The following DNAH9 variants were observed in gnomAD, a reference collection of about 807,000 sequenced individuals.
DNAH9 encodes the protein DNAH9 variant protein.
A neutral mutation model predicts 471.6 loss-of-function variants in DNAH9; 345 were observed. The ratio of observed to expected loss-of-function variants is 0.73; its 90% confidence interval spans 0.67 to 0.80. The LOEUF (loss-of-function observed/expected upper bound fraction) is 0.80. DNAH9 is among the 30% of genes least tolerant of loss of function. The pLI is 0.00. For synonymous variants in DNAH9, 2,093 were observed against 2,123.6 expected (o/e 0.99, Z 0.40); for missense variants, 5,407 against 5,609.2 (o/e 0.96, Z 1.15).
chr17:11,655,737 A>G (rs2073629225), intron 14 of DNAH9, among the ~76,000 whole-genome samples: 1 of 152,030 alleles, frequency 6.6e-6, no homozygotes, highest in Non-Finnish European at 1.5e-5. Flanking sequence ...ATTGGAGACC[A>G]TTATTCTAAG....
chr17:11,786,436 A>C (rs1429906853), intron 41 of DNAH9, among the ~76,000 whole-genome samples: 2 of 152,172 alleles, frequency 1.3e-5, no homozygotes, highest in Non-Finnish European at 2.9e-5. Flanking sequence ...TGGAAAGGTA[A>C]CTTGAGACCA....
chr17:11,869,054 C>A, intron 50 of DNAH9, 80 bp from the exon 51 acceptor site: 29 of 1,535,256 alleles, frequency 1.9e-5, no homozygotes, highest in Non-Finnish European at 2.5e-5. Flanking sequence ...GAACCACCTC[C>A]ATGTGAACCC....
chr17:11,642,928 T>C (rs1442495675), intron 10 of DNAH9, among the ~76,000 whole-genome samples: 1 of 152,228 alleles, frequency 6.6e-6, no homozygotes, highest in African/African-American at 2.4e-5. Context: ...GCAAATTCAT[T>C]GCTTTCTCTG....
intron 35 of DNAH9, among the ~76,000 whole-genome samples, chr17:11,761,011 A>T (rs916347055): frequency 6.6e-5 from 10 of 152,196 alleles, no homozygotes; most frequent in African/African-American, 2.2e-4. Context: ...ACAGATAATA[A>T]TTTTTTATTG....
In DNAH9 at chr17:11,834,904, A is replaced by G. The variant is rs1370744173; in HGVS notation, c.9507+6A>G. The G allele has an allele frequency of 6.2e-7, 1 of 1,611,266 alleles. No individual in the cohort carries two copies. Among genetic ancestry groups the G allele is most frequent in the Non-Finnish European group, 8.5e-7 (1 of 1,179,230 alleles). ...CTCTCAACACCCTGAACAAGGTAGG[A>G]GGACTGTCTGCCATACCTGCTCATC... is the stretch of plus-strand genomic sequence containing the variant. On this transcript the variant is annotated splice_donor_region_variant and intron_variant, in intron 49 of 68. Coordinates refer to ENST00000262442, the MANE Select transcript of DNAH9 (RefSeq NM_001372.4).
intron 35 of DNAH9, among the ~76,000 whole-genome samples, chr17:11,761,183 G>A (rs1305526508): frequency 8.1e-5 from 4 of 49,082 alleles, no homozygotes; most frequent in East Asian, 8.3e-4. Context: ...ATCACTTCTA[G>A]TCACACAGTC....
intron 27 of DNAH9, among the ~76,000 whole-genome samples, chr17:11,723,948 C>T (rs2075108096): frequency 6.6e-6 from 1 of 152,190 alleles, no homozygotes; most frequent in Non-Finnish European, 1.5e-5. Flanking sequence ...GCTGGGATTA[C>T]AGGCGTGAGC....
At chr17:11,687,770 A>G (rs1161039477) in intron 19 of DNAH9, among the ~76,000 whole-genome samples, 1 of 152,070 alleles carries the variant, frequency 6.6e-6, no homozygotes, top group Non-Finnish European at 1.5e-5. Flanking sequence ...GAGTGAGTAT[A>G]ATAAAGTGGG....
intron 66 of DNAH9, among the ~76,000 whole-genome samples, chr17:11,938,627 C>T (rs1974792401): frequency 2.0e-5 from 3 of 151,918 alleles, no homozygotes; most frequent in East Asian, 3.9e-4. Flanking sequence ...AGTAAGATTT[C>T]ACTCCATCAC....
chr17:11,958,261 G>C (rs1975770068), intron 67 of DNAH9, among the ~76,000 whole-genome samples: 1 of 152,176 alleles, frequency 6.6e-6, no homozygotes, highest in Non-Finnish European at 1.5e-5. Flanking sequence ...TTAAGAGTGA[G>C]GATGGCATGA....
At chr17:11,618,646 C>T (rs2072794655) in intron 5 of DNAH9, among the ~76,000 whole-genome samples, 3 of 151,248 alleles carry the variant, frequency 2.0e-5, no homozygotes, top group Admixed American at 2.0e-4. Context: ...AAACCAGTTT[C>T]CTTTTCTTCT....
chr17:11,944,292 C>T (rs2151434928), intron 67 of DNAH9, among the ~76,000 whole-genome samples: 1 of 152,156 alleles, frequency 6.6e-6, no homozygotes, highest in South Asian at 2.1e-4. Context: ...TGATATAAAG[C>T]AGGGTGAAAT....
At chr17:11,877,013 C>T (rs552122660) in intron 53 of DNAH9, among the ~76,000 whole-genome samples, 2 of 151,848 alleles carry the variant, frequency 1.3e-5, no homozygotes, top group East Asian at 1.9e-4. Flanking sequence ...CCACTGCACC[C>T]GGCCAGTTTT....
intron 35 of DNAH9, 77 bp downstream of exon 35, chr17:11,757,769 G>C: frequency 6.7e-7 from 1 of 1,486,852 alleles, no homozygotes; most frequent in Non-Finnish European, 9.2e-7. Flanking sequence ...GTGTCCTGCT[G>C]ATGTTCTGTC....
intron 27 of DNAH9, chr17:11,723,361 C>T (rs1048896486): frequency 6.6e-6 from 1 of 152,274 alleles, no homozygotes; most frequent in Non-Finnish European, 1.5e-5. Flanking sequence ...TTGTTCAGCA[C>T]CCTTCTCACT....
At chr17:11,807,394 G>A (rs528705865) in intron 43 of DNAH9, among the ~76,000 whole-genome samples, 1 of 152,254 alleles carries the variant, frequency 6.6e-6, no homozygotes, top group African/African-American at 2.4e-5. Flanking sequence ...AGTGGGAGGT[G>A]TGGCAGGGTC....
chr17:11,721,257 T>TTTTTTTTGTTTG (rs1211984072), intron 27 of DNAH9, among the ~76,000 whole-genome samples: 1 of 151,884 alleles, frequency 6.6e-6, no homozygotes, highest in Admixed American at 6.6e-5. Context: ...TCTATCTTTG[T>TTTTTTTTGTTTG]TTTTTTTGTT....
chr17:11,861,210 T>A (rs1262190709), intron 50 of DNAH9, among the ~76,000 whole-genome samples: 1 of 151,898 alleles, frequency 6.6e-6, no homozygotes, highest in East Asian at 1.9e-4. Flanking sequence ...CAGAGTGTGA[T>A]GTTCCCCTTC....
intron 65 of DNAH9, among the ~76,000 whole-genome samples, chr17:11,935,169 C>T (rs908932579): frequency 3.3e-5 from 5 of 151,062 alleles, no homozygotes; most frequent in African/African-American, 4.9e-5. Flanking sequence ...ATCGTGTTGG[C>T]GAAGCTGGTC....
Sources: gnomAD v4.1 joint callset for allele counts (sites outside exome capture counted in the v4.1 genomes callset) on GRCh38, gnomAD v4.1.1 for gene constraint, MANE v1.5 for transcripts, NCBI Gene and HGNC (gene_info 2026-07-23, HGNC 2026-07-21) for gene names.